The following NECTIN2 variants were observed in gnomAD, a reference collection of about 807,000 sequenced individuals.
The protein encoded by NECTIN2 is nectin cell adhesion molecule 2.
NECTIN2 carries 23 observed loss-of-function variants against 56.9 expected under a neutral mutation model. That is an observed-to-expected ratio of 0.40 (90% CI 0.29 to 0.57). The LOEUF is 0.57. Ranked by LOEUF, NECTIN2 falls within the 20% of genes least tolerant of loss-of-function variation. The pLI, the probability that NECTIN2 is intolerant of heterozygous loss-of-function variation, is 0.38. For synonymous variants in NECTIN2, 302 were observed against 313.8 expected, an observed-to-expected ratio of 0.96 and a Z score of 0.40; for missense variants, 587 against 718.3, an observed-to-expected ratio of 0.82 and a Z score of 2.09.
At chr19:44,856,232 G>C (rs916944498) in intron 1 of NECTIN2, among the ~76,000 whole-genome samples, 1 of 152,218 alleles carries the variant, frequency 6.6e-6, no homozygotes, top group Non-Finnish European at 1.5e-5. Context: ...CAGAGGCAGA[G>C]GTTGCAGGGA....
chr19:44,850,045 G>A (rs1968882431), intron 1 of NECTIN2, among the ~76,000 whole-genome samples: 1 of 152,184 alleles, frequency 6.6e-6, no homozygotes, highest in East Asian at 1.9e-4. Flanking sequence ...ACAGATAAGA[G>A]TGACAGAGGC....
intron 6 of NECTIN2, among the ~76,000 whole-genome samples, chr19:44,885,497 A>G (rs992712544): frequency 2.7e-5 from 4 of 147,100 alleles, no homozygotes; most frequent in Admixed American, 6.8e-5. Flanking sequence ...TTTTTTGGGG[A>G]GATGGCATTT....
chr19:44,868,837 G>T (rs966780505), intron 2 of NECTIN2, among the ~76,000 whole-genome samples: 1 of 151,684 alleles, frequency 6.6e-6, no homozygotes, highest in Non-Finnish European at 1.5e-5. Context: ...GCTTGAACCC[G>T]GGAGGCGGAG....
At chr19:44,866,474 A>G (rs1206517092) in intron 2 of NECTIN2, among the ~76,000 whole-genome samples, 2 of 152,058 alleles carry the variant, frequency 1.3e-5, no homozygotes, top group Non-Finnish European at 2.9e-5. Flanking sequence ...CCAAGTTGCA[A>G]TTCTAGCTAA....
intron 6 of NECTIN2, among the ~76,000 whole-genome samples, chr19:44,885,527 G>A (rs1386013675): frequency 1.3e-5 from 2 of 151,426 alleles, no homozygotes; most frequent in Non-Finnish European, 2.9e-5. Context: ...GGCCAGGCTG[G>A]TCTCGAACTG....
chr19:44,854,903 A>C (rs1404484148), intron 1 of NECTIN2, among the ~76,000 whole-genome samples: 1 of 151,816 alleles, frequency 6.6e-6, no homozygotes, highest in African/African-American at 2.4e-5. Flanking sequence ...AGGCGGGCGG[A>C]TCACGAGGTC....
At chr19:44,887,169 G>A (rs1395377536) in intron 8 of NECTIN2, among the ~76,000 whole-genome samples, 1 of 152,024 alleles carries the variant, frequency 6.6e-6, no homozygotes, top group Non-Finnish European at 1.5e-5. Flanking sequence ...GGCTAACAAG[G>A]TGAAACCCCT....
At chr19:44,872,731 T>C (rs1969190298) in intron 3 of NECTIN2, among the ~76,000 whole-genome samples, 1 of 151,240 alleles carries the variant, frequency 6.6e-6, no homozygotes, top group African/African-American at 2.4e-5. Context: ...GTGCCATCTA[T>C]ACTGAGTCTC....
rs945563242 is a variant in NECTIN2 at position 44,874,181 on chromosome 19, T to G, written c.893+148T>G. The G allele has an allele frequency of 8.0e-7, 1 of 1,246,628 alleles. No individual in the cohort carries two copies. Among genetic ancestry groups the G allele is most frequent in the Non-Finnish European group, 1.1e-6 (1 of 881,596 alleles). 77.2% of individuals were successfully genotyped at this position (1,246,628 alleles called of 1,614,324 possible). On this transcript the variant is annotated intron_variant, in intron 4 of 8. Coordinates refer to ENST00000252483, the MANE Select transcript of NECTIN2 (RefSeq NM_001042724.2). This position sits in a 1 kb window ranked among gnomAD's most constrained non-coding sequence, Gnocchi z 6.3. ...GCCTAAATTCCTAAGTCCTCCAGGA[T>G]GAAGGGAGCTTGCATTTTGGCAATT...
intron 2 of NECTIN2, among the ~76,000 whole-genome samples, chr19:44,869,419 T>A (rs900597807): frequency 6.6e-6 from 1 of 151,654 alleles, no homozygotes; most frequent in Non-Finnish European, 1.5e-5. Context: ...GGTGAAACCC[T>A]GTCTCTACTA....
chr19:44,877,151 G>C, intron 5 of NECTIN2, among the ~76,000 whole-genome samples: 1 of 152,082 alleles, frequency 6.6e-6, no homozygotes, highest in East Asian at 1.9e-4. Context: ...AGCCCGCTGG[G>C]TCATGACCCC....
chr19:44,857,483 C>T (rs1339920282), intron 1 of NECTIN2, among the ~76,000 whole-genome samples: 1 of 151,374 alleles, frequency 6.6e-6, no homozygotes, highest in Non-Finnish European at 1.5e-5. Flanking sequence ...CTCACTGCAA[C>T]CTCCACCTCC....
chr19:44,876,459 A>G (rs542171637), intron 5 of NECTIN2, among the ~76,000 whole-genome samples: 8 of 152,142 alleles, frequency 5.3e-5, no homozygotes, highest in Non-Finnish European at 8.8e-5. Context: ...ACCCCCAGCC[A>G]ATAACACCAT....
chr19:44,878,662 C>T (rs41290114), intron 5 of NECTIN2: 4 of 1,546,698 alleles, frequency 2.6e-6, no homozygotes, highest in Admixed American at 1.9e-5. Context: ...GGCCCTCCCG[C>T]CCCCGACCTG....
chr19:44,878,177 T>G, intron 5 of NECTIN2: 1 of 628,750 alleles, frequency 1.6e-6, no homozygotes, highest in Non-Finnish European at 2.9e-6. Context: ...CGTGATCTTG[T>G]GTCTCCCTTT....
chr19:44,886,092 T>TG, intron 7 of NECTIN2, 41 bp from the exon 8 acceptor site: 1 of 1,576,472 alleles, frequency 6.3e-7, no homozygotes, highest in Non-Finnish European at 8.7e-7. Context: ...GGCTGGGTGG[T>TG]GGGGGCAGTT....
intron 1 of NECTIN2, among the ~76,000 whole-genome samples, chr19:44,857,609 C>T (rs191963698): frequency 3.9e-4 from 59 of 152,174 alleles, no homozygotes; most frequent in Non-Finnish European, 7.8e-4. Context: ...GCCATGCTGG[C>T]CAGGCTGGTC....
chr19:44,886,848 G>A lies in NECTIN2; in HGVS notation c.1347+629G>A, dbSNP rs148355664. 1.1e-4 allele frequency among the ~76,000 whole-genome samples: 16 copies of A among 152,014 alleles called. No homozygotes were observed. The East Asian group carries it at 1.7e-3, about 17-fold the overall frequency. On this transcript the variant is annotated intron_variant, in intron 8 of 8. Transcript: ENST00000252483. ...TTGAGCCTAGGAGCTCGAGACCAGC[G>A]TGGGCAACATGGGCTACCCAGCAAC... is the stretch of plus-strand genomic sequence containing the variant.
At chr19:44,862,365 A>C (rs1969041558) in intron 1 of NECTIN2, among the ~76,000 whole-genome samples, 3 of 151,856 alleles carry the variant, frequency 2.0e-5, no homozygotes, top group Admixed American at 2.0e-4. Flanking sequence ...CAGTGAGCCG[A>C]GATGGCACCA....
Sources: gnomAD v4.1 joint callset for allele counts (sites outside exome capture counted in the v4.1 genomes callset) on GRCh38, gnomAD v4.1.1 for gene constraint, Gnocchi (gnomAD v3.1) non-coding constraint, MANE v1.5 for transcripts, NCBI Gene and HGNC (gene_info 2026-07-23, HGNC 2026-07-21) for gene names.